ALDH4A1: variants seen among roughly 807,000 people sequenced by gnomAD.
ALDH4A1 encodes delta-1-pyrroline-5-carboxylate dehydrogenase, mitochondrial.
In ALDH4A1, 46 loss-of-function variants were observed where a neutral mutation model predicts 70.5. The observed-to-expected ratio is 0.65, with a 90% CI of 0.51 to 0.83. The LOEUF is 0.83. Ranked by LOEUF, ALDH4A1 falls within the 40% of genes least tolerant of loss-of-function variation. The pLI is 0.00. For synonymous variants in ALDH4A1, 323 were observed against 324.3 expected (o/e 1.00, Z 0.04); for missense variants, 749 against 766.5 (o/e 0.98, Z 0.27).
In ALDH4A1 at chr1:18,884,317, G is replaced by A. The variant is rs140519495; in HGVS notation, c.454-889C>T. On this transcript the variant is annotated intron_variant, in intron 5 of 14. Coordinates refer to ENST00000375341, the MANE Select transcript of ALDH4A1 (RefSeq NM_003748.4). ...TGTCATACCAGCTCTGTGCAGCAGA[G>A]GGGGCGCTCACCATGGGGACCGAGG... Among the ~76,000 whole-genome samples, 315 of 152,004 alleles carry A rather than the reference G, an allele frequency of 2.1e-3. 2 individuals carry two copies. Among genetic ancestry groups the A allele is most frequent in the African/African-American group, 7.4e-3 (305 of 41,432 alleles).
At position 18,877,104 on chromosome 1, in the gene ALDH4A1, G is replaced by A; in HGVS notation, c.1185+104C>T. 3.5e-6 allele frequency: 5 copies of A among 1,422,306 alleles called. No homozygotes were observed. The South Asian group carries it at 6.2e-5, about 18-fold the overall frequency. The allele number at this position is 1,422,306 out of a possible 1,614,324, so 88.1% of individuals were successfully genotyped here. On this transcript the variant is annotated intron_variant, in intron 11 of 14. Transcript: ENST00000375341. ...TGAGCTGCCTTGATCAAAGCAGTGG[G>A]GCTGGGTCATGCCCTGGGTCAGGGT...
chr1:18,900,911 A>C, intron 1 of ALDH4A1: 7 of 984,908 alleles, frequency 7.1e-6, no homozygotes, highest in Non-Finnish European at 8.4e-6. Context: ...TGATTGCTTG[A>C]TAATCATTAT....
In ALDH4A1 at chr1:18,886,388, C is replaced by T. The variant is rs565313467; in HGVS notation, c.297+76G>A. 1.2e-5 allele frequency: 18 copies of T among 1,532,304 alleles called. No individual in the cohort carries two copies. The South Asian group carries it at 1.9e-4, about 16-fold the overall frequency. The allele number at this position is 1,532,304 out of a possible 1,614,324, so 94.9% of individuals were successfully genotyped here. ...CAGCAACTGATGCCCCCTGCCCCCG[C>T]CATATCAGCAGCTGGCAGGGCAGAG... On this transcript the variant is annotated intron_variant, in intron 4 of 14. Coordinates refer to ENST00000375341, the MANE Select transcript of ALDH4A1 (RefSeq NM_003748.4).
intron 13 of ALDH4A1, among the ~76,000 whole-genome samples, chr1:18,874,794 G>GA (rs1557609322): frequency 6.6e-6 from 1 of 152,210 alleles, no homozygotes; most frequent in Non-Finnish European, 1.5e-5. Flanking sequence ...GAGGGGCTTG[G>GA]CACGCCTCGT....
chr1:18,891,427 C>A (rs1935426577), intron 1 of ALDH4A1, among the ~76,000 whole-genome samples: 1 of 152,168 alleles, frequency 6.6e-6, no homozygotes. Context: ...CCATCTCTCT[C>A]TGGTGTCAAT....
Position 18,879,373 on chromosome 1 carries a change from GCTGGA to G in ALDH4A1, c.867-5_867-1del. On this transcript the variant is annotated splice_acceptor_variant and splice_polypyrimidine_tract_variant and intron_variant, in intron 8 of 14. Coordinates refer to ENST00000375341, the MANE Select transcript of ALDH4A1 (RefSeq NM_003748.4). LOFTEE classifies it high-confidence loss of function. ...CCTGCTTCCACAGGTGTTTGAAGGT[GCTGGA>G]ACCACAGGAGAAAGGGTGGGGTTCA... The G allele has an allele frequency of 6.2e-7, 1 of 1,610,360 alleles. No individual in the cohort carries two copies. The highest frequency in any genetic ancestry group is 8.5e-7 in the Non-Finnish European group (1 of 1,178,478).
intron 2 of ALDH4A1, among the ~76,000 whole-genome samples, 164 bp downstream of exon 2, chr1:18,889,848 T>C (rs1396519973): frequency 2.0e-5 from 3 of 152,112 alleles, no homozygotes; most frequent in Non-Finnish European, 4.4e-5. Flanking sequence ...CTCCCAGCTG[T>C]TCCCACACTC....
At position 18,880,345 on chromosome 1, in the gene ALDH4A1, G is replaced by A. The variant is rs1026543488; in HGVS notation, c.867-972C>T. Among the ~76,000 whole-genome samples, 7 of 152,018 alleles carry A rather than the reference G, an allele frequency of 4.6e-5. No individual in the cohort carries two copies. The highest frequency in any genetic ancestry group is 7.3e-5 in the African/African-American group (3 of 41,374). ...CCCCCGAGCCCGCTCGCCCTCCCAG[G>A]TGCCCATCTTGAACATTCTCGCTGA... On this transcript the variant is annotated intron_variant, in intron 8 of 14. Transcript: ENST00000375341. This position sits in a 1 kb window ranked among gnomAD's most constrained non-coding sequence, Gnocchi z 5.1.
In ALDH4A1 at chr1:18,889,396, T is replaced by A; in HGVS notation, c.215A>T (p.Glu72Val). Residue 72 changes from glutamate to valine, a missense_variant, in exon 3 of 15, where the codon GAG becomes GTG. Transcript: ENST00000375341. ...EAIPCVVGDE[E>V]VWTSDVQYQV... is the part of the protein sequence containing the mutation. Reference sequence around the variant, plus strand: ...GTACTGCACGTCCGACGTCCACACCTCCTCATCCCCCACCACGCATGGGAT... The same window carrying A: ...GTACTGCACGTCCGACGTCCACACCACCTCATCCCCCACCACGCATGGGAT... The A allele has an allele frequency of 6.4e-7, 1 of 1,552,884 alleles. No homozygotes were observed. The highest frequency in any genetic ancestry group is 8.7e-7 in the Non-Finnish European group (1 of 1,147,666).
chr1:18,885,280 G>T, intron 5 of ALDH4A1, 193 bp downstream of exon 5: 1 of 628,210 alleles, frequency 1.6e-6, no homozygotes, highest in East Asian at 2.8e-5. Context: ...CATGGGCTCT[G>T]CACAATCTGT....
Position 18,880,207 on chromosome 1 carries a change from G to A in ALDH4A1, c.867-834C>T, listed in dbSNP as rs1934913287. On this transcript the variant is annotated intron_variant, in intron 8 of 14. Coordinates refer to ENST00000375341, the MANE Select transcript of ALDH4A1 (RefSeq NM_003748.4). This position sits in a 1 kb window ranked among gnomAD's most constrained non-coding sequence, Gnocchi z 5.1. ...TGCGGGGAAGGGGGTGGCAGAGCCTGGGGCCTGGAAGAGGAGGTAAGAAGG... is the reference window on the plus strand; with the variant it reads ...TGCGGGGAAGGGGGTGGCAGAGCCTAGGGCCTGGAAGAGGAGGTAAGAAGG... Among the ~76,000 whole-genome samples, 2 of 150,260 alleles carry A rather than the reference G, an allele frequency of 1.3e-5. No homozygotes were observed. The highest frequency in any genetic ancestry group is 4.9e-5 in the African/African-American group (2 of 40,794).
Position 18,885,638 on chromosome 1 carries a change from G to A in ALDH4A1, c.298-10C>T. The A allele has an allele frequency of 6.2e-7, 1 of 1,613,858 alleles. No homozygotes were observed. The highest frequency in any genetic ancestry group is 8.5e-7 in the Non-Finnish European group (1 of 1,180,010). On this transcript the variant is annotated splice_polypyrimidine_tract_variant and intron_variant, in intron 4 of 14. Coordinates refer to ENST00000375341, the MANE Select transcript of ALDH4A1 (RefSeq NM_003748.4). ...CTTTGTTGAGCAGGCTCTAAAGGGA[G>A]AGGGAGAGGTTGGGGACTGCCACCT...
At chr1:18,900,863 G>A in intron 1 of ALDH4A1, 1 of 985,250 alleles carries the variant, frequency 1.0e-6, no homozygotes, top group Non-Finnish European at 1.2e-6. Context: ...ACAGGAATGA[G>A]ACAGTACTTA....
At chr1:18,885,250 G>A (rs1282760548) in intron 5 of ALDH4A1, 2 of 592,610 alleles carry the variant, frequency 3.4e-6, no homozygotes, top group Non-Finnish European at 6.0e-6. Flanking sequence ...GAGGAGAGGG[G>A]ACATTTCCGA....
chr1:18,873,952 G>C (rs1934560665), intron 14 of ALDH4A1, among the ~76,000 whole-genome samples: 2 of 152,196 alleles, frequency 1.3e-5, no homozygotes, highest in South Asian at 2.1e-4. Context: ...ACGGGACTGA[G>C]TTCTTAACCT....
At chr1:18,887,898 T>C (rs1176773186) in intron 3 of ALDH4A1, among the ~76,000 whole-genome samples, 1 of 152,242 alleles carries the variant, frequency 6.6e-6, no homozygotes, top group African/African-American at 2.4e-5. Flanking sequence ...TTAACCCCTG[T>C]CTTCCCTTCA....
chr1:18,881,821 G>A lies in ALDH4A1; in HGVS notation c.745C>T (p.Leu249Phe). Residue 249 changes from leucine (L) to phenylalanine (F), a missense_variant, in exon 8 of 15, where the codon CTT (leucine) becomes TTT (phenylalanine). By Grantham distance (22) the Leu-to-Phe change is conservative (BLOSUM62 0). Transcript: ENST00000375341. The stretch of plus-strand genomic sequence containing the variant: ...TTGGGGGGCAGGCCAGCCTCCCGAA[G>A]GATGCGGTAGACAGCATAGCTGGCC... Reference protein sequence around the residue: ...MLASYAVYRILREAGLPPNII... With the variant: ...MLASYAVYRIFREAGLPPNII... 1 of 1,613,958 alleles carries A rather than the reference G, an allele frequency of 6.2e-7. No individual in the cohort carries two copies. The highest frequency in any genetic ancestry group is 8.5e-7 in the Non-Finnish European group (1 of 1,180,038).
In ALDH4A1 at chr1:18,877,230, A is replaced by G; in HGVS notation, c.1163T>C (p.Phe388Ser). ...TACCTTGGCATCAATCACTGCAGAG[A>G]AGAAGGTCCCAAAATCCTCTGCAGG... Reference protein sequence around the residue: ...GDPAEDFGTFFSAVIDAKSFA... With the variant: ...GDPAEDFGTFSSAVIDAKSFA... Residue 388 changes from phenylalanine (F) to serine (S), a missense_variant, in exon 11 of 15, where the codon TTC (phenylalanine) becomes TCC (serine). Coordinates refer to ENST00000375341, the MANE Select transcript of ALDH4A1 (RefSeq NM_003748.4). The G allele has an allele frequency of 6.2e-7, 1 of 1,608,592 alleles. No homozygotes were observed. The highest frequency in any genetic ancestry group is 8.5e-7 in the Non-Finnish European group (1 of 1,177,410).
intron 1 of ALDH4A1, chr1:18,896,995 G>A (rs1935639702): frequency 2.0e-6 from 1 of 489,216 alleles, no homozygotes; most frequent in Admixed American, 2.1e-5. Context: ...GCCACCACAT[G>A]CCAAGCATTA....
Sources: allele counts gnomAD v4.1 joint callset (sites outside exome capture counted in the v4.1 genomes callset), GRCh38; gene constraint gnomAD v4.1.1; non-coding constraint Gnocchi (gnomAD v3.1); transcripts MANE v1.5; gene names NCBI Gene and HGNC (gene_info 2026-07-23, HGNC 2026-07-21).